The following PLGRKT variants were observed in gnomAD, a reference collection of about 807,000 sequenced individuals.
PLGRKT encodes the protein plasminogen receptor (KT).
Under a neutral mutation model 18.5 loss-of-function variants are expected in PLGRKT, and 22 were observed. The observed-to-expected ratio is 1.19, with a 90% CI of 0.85 to 1.70. PLGRKT has a LOEUF of 1.70. Among genes scored for constraint, PLGRKT ranks in the 40% most tolerant of loss-of-function variants. The probability of loss-of-function intolerance (pLI) is 0.00; values close to 1 mark genes in which losing one functional copy is unlikely to be tolerated. For missense variants in PLGRKT, 235 were observed against 174.4 expected (o/e 1.35, Z -1.96); for synonymous variants, 72 against 52.8 (o/e 1.36, Z -1.58).
intron 3 of PLGRKT, among the ~76,000 whole-genome samples, chr9:5,419,772 G>A (rs192468927): frequency 1.1e-4 from 16 of 152,288 alleles, no homozygotes; most frequent in African/African-American, 2.2e-4. Flanking sequence ...ACTTTACAGC[G>A]GGAATGTAAA....
intron 3 of PLGRKT, among the ~76,000 whole-genome samples, chr9:5,423,628 T>C (rs1347389727): frequency 3.3e-5 from 5 of 152,122 alleles, no homozygotes; most frequent in Non-Finnish European, 7.4e-5. Context: ...AAACACTCTA[T>C]GAACAGATTG....
At chr9:5,379,104 C>T (rs1459127657) in intron 3 of PLGRKT, among the ~76,000 whole-genome samples, 1 of 152,034 alleles carries the variant, frequency 6.6e-6, no homozygotes, top group African/African-American at 2.4e-5. Context: ...TTAGAATCAA[C>T]AAGATTCTAA....
chr9:5,381,836 A>C lies in PLGRKT; in HGVS notation c.82-19948T>G, dbSNP rs528164154. On this transcript the variant is annotated intron_variant, in intron 3 of 5. Coordinates refer to ENST00000223864, the MANE Select transcript of PLGRKT (RefSeq NM_018465.4). ...GTTTTAAAAAATACATAAAGCAAAA[A>C]CAACAGACTAAATTTAACTAACATA... is the stretch of plus-strand genomic sequence containing the variant. 9.3e-5 allele frequency: 90 copies of C among 970,782 alleles called. No individual in the cohort carries two copies. In the Middle Eastern group the frequency reaches 1.6e-3, roughly 17 times the overall value. The allele number at this position is 970,782 out of a possible 1,614,324, so 60.1% of individuals were successfully genotyped here.
At chr9:5,417,368 T>C (rs756693975) in intron 3 of PLGRKT, among the ~76,000 whole-genome samples, 9 of 152,064 alleles carry the variant, frequency 5.9e-5, no homozygotes, top group Non-Finnish European at 1.2e-4. Context: ...ATACCATACA[T>C]AAAAATTAAC....
At chr9:5,381,911 A>G in intron 3 of PLGRKT, 8 of 985,158 alleles carry the variant, frequency 8.1e-6, no homozygotes, top group Non-Finnish European at 9.6e-6. Context: ...GGACCACATC[A>G]TGAGAGGAAG....
At chr9:5,421,071 C>A (rs181294727) in intron 3 of PLGRKT, among the ~76,000 whole-genome samples, 8 of 152,220 alleles carry the variant, frequency 5.3e-5, no homozygotes. Flanking sequence ...TGGCTTCCCA[C>A]GTCACTCAGA....
intron 3 of PLGRKT, among the ~76,000 whole-genome samples, chr9:5,396,140 C>T (rs1818044151): frequency 6.6e-6 from 1 of 151,440 alleles, no homozygotes; most frequent in African/African-American, 2.4e-5. Context: ...GTGATCAGTC[C>T]GCCTCAGCCT....
At position 5,393,670 on chromosome 9, in the gene PLGRKT, A is replaced by G. The variant is rs375812074; in HGVS notation, c.82-31782T>C. On this transcript the variant is annotated intron_variant, in intron 3 of 5. Transcript: ENST00000223864. ...CATTTTCAATCTTTTGGAATCAGAA[A>G]TTCTCTTACTAGTTTGTAGTTTTTG... is the stretch of plus-strand genomic sequence containing the variant. Among the ~76,000 whole-genome samples the G allele has an allele frequency of 1.8e-4, 27 of 151,962 alleles. 2 individuals are homozygous for G. The East Asian group carries it at 3.1e-3, about 17-fold the overall frequency.
At chr9:5,410,444 G>T (rs906231854) in intron 3 of PLGRKT, among the ~76,000 whole-genome samples, 1 of 151,246 alleles carries the variant, frequency 6.6e-6, no homozygotes, top group Non-Finnish European at 1.5e-5. Context: ...GTGAGCAGTG[G>T]GCCAAGATCG....
intron 3 of PLGRKT, among the ~76,000 whole-genome samples, chr9:5,425,446 G>T (rs1818678665): frequency 6.6e-6 from 1 of 152,092 alleles, no homozygotes; most frequent in African/African-American, 2.4e-5. Context: ...TCATAAATTT[G>T]GTTAACCAGA....
chr9:5,361,977 C>T (rs970698015), intron 3 of PLGRKT, 89 bp from the exon 4 acceptor site: 2 of 1,240,560 alleles, frequency 1.6e-6, no homozygotes, highest in Non-Finnish European at 2.3e-6. Flanking sequence ...CGGATTCATT[C>T]TTCAATTGCT....
intron 2 of PLGRKT, among the ~76,000 whole-genome samples, chr9:5,433,091 G>A (rs1030080524): frequency 1.4e-5 from 2 of 144,822 alleles, no homozygotes; most frequent in Non-Finnish European, 3.0e-5. Context: ...AGGAAGTGAG[G>A]AGCGCCTCTG....
intron 5 of PLGRKT, among the ~76,000 whole-genome samples, chr9:5,360,241 G>A (rs1189218844): frequency 6.6e-6 from 1 of 152,164 alleles, no homozygotes; most frequent in Non-Finnish European, 1.5e-5. Context: ...AATAGTTACA[G>A]ACAAAGCACA....
At position 5,416,488 on chromosome 9, in the gene PLGRKT, A is replaced by G. The variant is rs140324843; in HGVS notation, c.81+15409T>C. 1.1e-3 allele frequency among the ~76,000 whole-genome samples: 166 copies of G among 152,336 alleles called. 1 individual carries two copies. The highest frequency in any genetic ancestry group is 3.9e-3 in the African/African-American group (163 of 41,574). On this transcript the variant is annotated intron_variant, in intron 3 of 5. Transcript: ENST00000223864. ...ATAGGATCATTTTTAATCATTTTGC[A>G]CCTGAAACCCTACATATAGTAGGCA...
At chr9:5,358,440 T>G in intron 5 of PLGRKT, 80 bp from the exon 6 acceptor site, 3 of 1,292,426 alleles carry the variant, frequency 2.3e-6, no homozygotes, top group Non-Finnish European at 3.3e-6. Flanking sequence ...CTATATTCCT[T>G]GACAGGCTCT....
intron 2 of PLGRKT, among the ~76,000 whole-genome samples, chr9:5,435,186 G>T (rs1451883907): frequency 6.6e-6 from 1 of 152,064 alleles, no homozygotes; most frequent in Admixed American, 6.6e-5. Context: ...AGGGCCAAAG[G>T]CCGCAGGGAC....
At chr9:5,389,522 C>A (rs535525878) in intron 3 of PLGRKT, among the ~76,000 whole-genome samples, 1 of 151,950 alleles carries the variant, frequency 6.6e-6, no homozygotes, top group South Asian at 2.1e-4. Context: ...TTTGGAAAGA[C>A]TTTCCATTTC....
At chr9:5,385,049 G>A (rs1228039402) in intron 3 of PLGRKT, among the ~76,000 whole-genome samples, 3 of 152,112 alleles carry the variant, frequency 2.0e-5, no homozygotes, top group Non-Finnish European at 4.4e-5. Flanking sequence ...GGTGGGTGGG[G>A]CCAGGGGAGG....
At chr9:5,421,092 A>C (rs1407470752) in intron 3 of PLGRKT, among the ~76,000 whole-genome samples, 1 of 152,196 alleles carries the variant, frequency 6.6e-6, no homozygotes, top group Non-Finnish European at 1.5e-5. Context: ...ATACATTTCA[A>C]AACAGTTGTC....
Sources: allele counts gnomAD v4.1 joint callset (sites outside exome capture counted in the v4.1 genomes callset), GRCh38; gene constraint gnomAD v4.1.1; transcripts MANE v1.5; gene names NCBI Gene and HGNC (gene_info 2026-07-23, HGNC 2026-07-21).